Variants in PCP4 observed in about 807,000 individuals in gnomAD.
PCP4 encodes the protein Purkinje cell protein 4.
In PCP4, 8 loss-of-function variants were observed where a neutral mutation model predicts 10.0. The observed-to-expected ratio is 0.80, with a 90% confidence interval of 0.47 to 1.45. The LOEUF is 1.45. Ranked by LOEUF, PCP4 falls within the 40% of genes most tolerant of loss-of-function variation. The pLI is 0.00. For synonymous variants in PCP4, 21 were observed against 23.0 expected (o/e 0.91, Z 0.24); for missense variants, 54 against 74.4 (o/e 0.73, Z 1.01).
intron 1 of PCP4, among the ~76,000 whole-genome samples, chr21:39,889,098 G>A (rs1368972107): frequency 6.6e-6 from 1 of 152,182 alleles, no homozygotes; most frequent in Non-Finnish European, 1.5e-5. Flanking sequence ...TGAGCCAGGG[G>A]CCTCTGTGGG....
intron 2 of PCP4, chr21:39,926,209 T>C (rs1239345031): frequency 3.0e-6 from 1 of 335,198 alleles, no homozygotes; most frequent in Non-Finnish European, 6.0e-6. Flanking sequence ...GTTTCTTTTT[T>C]AAACAATGTA....
intron 1 of PCP4, among the ~76,000 whole-genome samples, chr21:39,885,150 CA>C (rs1242259480): frequency 6.6e-6 from 1 of 152,206 alleles, no homozygotes; most frequent in Non-Finnish European, 1.5e-5. Context: ...GGAGGGCATT[CA>C]ATGAATGGGA....
chr21:39,900,690 A>G (rs1026202690), intron 2 of PCP4, among the ~76,000 whole-genome samples: 1 of 152,062 alleles, frequency 6.6e-6, no homozygotes, highest in Non-Finnish European at 1.5e-5. Context: ...TATGGCCTGC[A>G]TCCCATGGGA....
At chr21:39,921,851 C>T (rs1057415480) in intron 2 of PCP4, among the ~76,000 whole-genome samples, 14 of 152,268 alleles carry the variant, frequency 9.2e-5, no homozygotes, top group Middle Eastern at 6.8e-3. Context: ...TATGGCAGCC[C>T]GAGCAAACTC....
At chr21:39,926,395 T>C (rs1568863482) in intron 2 of PCP4, among the ~76,000 whole-genome samples, 1 of 152,346 alleles carries the variant, frequency 6.6e-6, no homozygotes, top group South Asian at 2.1e-4. Flanking sequence ...TGCCGCTTTC[T>C]TCCATCATTA....
In PCP4 at chr21:39,929,327, C is replaced by A; in HGVS notation, c.*216C>A. The A allele has an allele frequency of 2.7e-6, 1 of 375,056 alleles. No homozygotes were observed. Among genetic ancestry groups the A allele is most frequent in the Non-Finnish European group, 4.7e-6 (1 of 211,814 alleles). 23.2% of individuals were successfully genotyped at this position (375,056 alleles called of 1,614,324 possible). A position where few individuals can be genotyped will look rare whatever the true frequency, so the allele number is the denominator to read the frequency against. On this transcript the variant is annotated 3_prime_UTR_variant, in exon 3 of 3. Transcript: ENST00000328619. ...AGTAGCTTAATCTCTATGTTTCTCT[C>A]CATTTTCATTCCTCCTGCAACTATT...
chr21:39,918,258 G>C (rs1229198222), intron 2 of PCP4, among the ~76,000 whole-genome samples: 2 of 152,146 alleles, frequency 1.3e-5, no homozygotes, highest in African/African-American at 4.8e-5. Context: ...AGGAAGATCT[G>C]ATCTCATTAG....
chr21:39,907,925 C>T (rs1458179806), intron 2 of PCP4, among the ~76,000 whole-genome samples: 1 of 152,182 alleles, frequency 6.6e-6, no homozygotes, highest in Admixed American at 6.5e-5. Context: ...TGCAGGGTTC[C>T]ATTGTACCAA....
At chr21:39,891,435 G>A (rs1300330031) in intron 1 of PCP4, among the ~76,000 whole-genome samples, 2 of 152,218 alleles carry the variant, frequency 1.3e-5, no homozygotes, top group East Asian at 3.8e-4. Context: ...ATGGGGAATT[G>A]GTGCTCTGTG....
In PCP4 at chr21:39,898,491, G is replaced by A; in HGVS notation, c.25G>A (p.Ala9Thr). 6.2e-7 allele frequency: 1 copy of A among 1,613,934 alleles called. No individual in the cohort carries two copies. The highest frequency in any genetic ancestry group is 8.5e-7 in the Non-Finnish European group (1 of 1,179,866). ...TTGCCTTTAGCGACAAGGTGCTGGGGCAACCAATGGAAAAGACAAGACATC... is the reference window on the plus strand; with the variant it reads ...TTGCCTTTAGCGACAAGGTGCTGGGACAACCAATGGAAAAGACAAGACATC... MSERQGAGATNGKDKTSGE... is the reference protein window; with the variant it reads MSERQGAGTTNGKDKTSGE... Residue 9 changes from alanine to threonine, a missense_variant, in exon 2 of 3, where the codon GCA becomes ACA. By Grantham distance (58) the Ala-to-Thr change is moderately conservative. Coordinates refer to ENST00000328619, the MANE Select transcript of PCP4 (RefSeq NM_006198.3).
chr21:39,889,030 C>T (rs1171314746), intron 1 of PCP4, among the ~76,000 whole-genome samples: 7 of 152,158 alleles, frequency 4.6e-5, no homozygotes, highest in Non-Finnish European at 1.0e-4. Context: ...CTGGGAGGAG[C>T]CCATTTCACT....
chr21:39,882,822 G>C (rs1473887433), intron 1 of PCP4, among the ~76,000 whole-genome samples: 1 of 152,172 alleles, frequency 6.6e-6, no homozygotes, highest in East Asian at 1.9e-4. Context: ...TCCACCCTCT[G>C]TTACTCTTGG....
intron 2 of PCP4, among the ~76,000 whole-genome samples, chr21:39,913,812 C>T (rs1003462844): frequency 7.2e-5 from 11 of 152,164 alleles, no homozygotes; most frequent in Non-Finnish European, 1.3e-4. Flanking sequence ...AAAACAGACC[C>T]GTCTACCGAA....
intron 1 of PCP4, among the ~76,000 whole-genome samples, chr21:39,877,634 T>C (rs527410194): frequency 7.0e-4 from 106 of 151,642 alleles, no homozygotes; most frequent in African/African-American, 2.5e-3. Context: ...GAGGTGGAGG[T>C]TGCAGTGAGC....
At chr21:39,902,591 A>C (rs539149944) in intron 2 of PCP4, among the ~76,000 whole-genome samples, 2 of 152,226 alleles carry the variant, frequency 1.3e-5, no homozygotes, top group African/African-American at 4.8e-5. Flanking sequence ...CATACTCTCC[A>C]GAATGTTTCA....
intron 1 of PCP4, among the ~76,000 whole-genome samples, chr21:39,880,593 G>T (rs766518587): frequency 9.2e-5 from 14 of 152,176 alleles, no homozygotes; most frequent in Non-Finnish European, 2.1e-4. Flanking sequence ...AGTGCTGGTT[G>T]TTTATCCAGG....
Position 39,906,623 on chromosome 21 carries a change from T to C in PCP4, c.61+8096T>C, listed in dbSNP as rs1013785492. On this transcript the variant is annotated intron_variant, in intron 2 of 2. Transcript: ENST00000328619. This position sits in a 1 kb window ranked among gnomAD's most constrained non-coding sequence, Gnocchi z 6.3. ...CCTCCCTCCGTCTTTTCTTCCTACC[T>C]TTCATCCTTTTCTTCCTTCTTTCTT... Among the ~76,000 whole-genome samples the C allele has an allele frequency of 1.3e-5, 2 of 151,254 alleles. No individual in the cohort carries two copies. The highest frequency in any genetic ancestry group is 2.9e-5 in the Non-Finnish European group (2 of 67,868).
Position 39,929,288 on chromosome 21 carries a change from A to G in PCP4, c.*177A>G, listed in dbSNP as rs2146354907. ...TTTATACCCTTGTAGGAAGGTATAGACAATGGAATTGTGAGTAGCTTAATC... is the reference window on the plus strand; with the variant it reads ...TTTATACCCTTGTAGGAAGGTATAGGCAATGGAATTGTGAGTAGCTTAATC... On this transcript the variant is annotated 3_prime_UTR_variant, in exon 3 of 3. Coordinates refer to ENST00000328619, the MANE Select transcript of PCP4 (RefSeq NM_006198.3). 2.2e-6 allele frequency: 1 copy of G among 462,424 alleles called. No individual in the cohort carries two copies. Among genetic ancestry groups the G allele is most frequent in the East Asian group, 3.4e-5 (1 of 29,188 alleles). The allele number at this position is 462,424 out of a possible 1,614,324, so 28.6% of individuals were successfully genotyped here.
intron 1 of PCP4, among the ~76,000 whole-genome samples, chr21:39,890,427 T>A (rs1294256400): frequency 6.6e-6 from 1 of 152,078 alleles, no homozygotes; most frequent in Non-Finnish European, 1.5e-5. Context: ...ATGATCTCGG[T>A]TCAGTGCAAC....
Sources: gnomAD v4.1 joint callset for allele counts (sites outside exome capture counted in the v4.1 genomes callset) on GRCh38, gnomAD v4.1.1 for gene constraint, Gnocchi (gnomAD v3.1) non-coding constraint, MANE v1.5 for transcripts, NCBI Gene and HGNC (gene_info 2026-07-23, HGNC 2026-07-21) for gene names.